The following LARGE1 variants were observed in gnomAD, a reference collection of about 807,000 sequenced individuals.
The protein encoded by LARGE1 is xylosyl- and glucuronyltransferase LARGE1.
Under a neutral mutation model 87.6 loss-of-function variants are expected in LARGE1, and 43 were observed. The observed-to-expected ratio is 0.49, with a 90% CI of 0.38 to 0.63. LARGE1 has a LOEUF of 0.63. Ranked by LOEUF, LARGE1 falls within the 30% of genes least tolerant of loss-of-function variation. The probability of loss-of-function intolerance (pLI) is 0.00; values close to 1 mark genes in which losing one functional copy is unlikely to be tolerated. For synonymous variants in LARGE1, 434 were observed against 394.6 expected, an observed-to-expected ratio of 1.10 and a Z score of -1.18; for missense variants, 802 against 1,000.2, an observed-to-expected ratio of 0.80 and a Z score of 2.67.
In LARGE1 at chr22:33,703,416, A is replaced by G. The variant is rs528064075; in HGVS notation, c.107-52748T>C. 4.1e-4 allele frequency among the ~76,000 whole-genome samples: 62 copies of G among 152,266 alleles called. 1 individual carries two copies. In the South Asian group the frequency reaches 0.012, roughly 30 times the overall value. ...AGAGACACATCATGATAGACTAAAT[A>G]ATGCCCCCCAAAGATTACCTCCTGA... On this transcript the variant is annotated intron_variant, in intron 2 of 14. Transcript: ENST00000397394.
intron 11 of LARGE1, among the ~76,000 whole-genome samples, chr22:33,222,033 T>G (rs927099649): frequency 6.6e-6 from 1 of 152,198 alleles, no homozygotes; most frequent in Middle Eastern, 3.2e-3. Context: ...CCTCCCTCTC[T>G]TTTCCTTCCT....
At chr22:33,728,429 CT>C (rs879344419) in intron 2 of LARGE1, among the ~76,000 whole-genome samples, 8 of 152,022 alleles carry the variant, frequency 5.3e-5, no homozygotes, top group Admixed American at 5.2e-4. Context: ...ATCCCAGCTA[CT>C]CAGGAGGCTG....
intron 2 of LARGE1, among the ~76,000 whole-genome samples, chr22:33,760,962 AC>A (rs1385735205): frequency 1.3e-5 from 2 of 151,956 alleles, no homozygotes; most frequent in Non-Finnish European, 2.9e-5. Context: ...AGACAAACAA[AC>A]AAAAAACACC....
chr22:33,541,111 T>C (rs1252625922), intron 6 of LARGE1, among the ~76,000 whole-genome samples: 1 of 118,676 alleles, frequency 8.4e-6, no homozygotes, highest in African/African-American at 3.3e-5. Context: ...GCCCAAGAGA[T>C]TGAGGCTGTA....
chr22:33,821,673 A>G (rs2086823289), intron 1 of LARGE1, among the ~76,000 whole-genome samples: 1 of 152,202 alleles, frequency 6.6e-6, no homozygotes, highest in Admixed American at 6.5e-5. Context: ...CTTAGCCCCA[A>G]TCAATGACTC....
intron 2 of LARGE1, among the ~76,000 whole-genome samples, chr22:33,746,811 G>T (rs1490245398): frequency 6.6e-6 from 1 of 152,194 alleles, no homozygotes; most frequent in Admixed American, 6.5e-5. Flanking sequence ...TACCATGCTG[G>T]TTATTATTAA....
chr22:33,423,725 T>C (rs1288179894), intron 7 of LARGE1, among the ~76,000 whole-genome samples: 1 of 150,650 alleles, frequency 6.6e-6, no homozygotes, highest in African/African-American at 2.4e-5. Context: ...ATAATATAGA[T>C]GTAATCCTTG....
At chr22:33,537,807 G>A (rs1196282180) in intron 6 of LARGE1, among the ~76,000 whole-genome samples, 1 of 152,030 alleles carries the variant, frequency 6.6e-6, no homozygotes, top group Non-Finnish European at 1.5e-5. Flanking sequence ...TCCTGACCTC[G>A]TGATCCACCC....
At chr22:33,871,513 T>C (rs148765780) in intron 1 of LARGE1, among the ~76,000 whole-genome samples, 1 of 152,298 alleles carries the variant, frequency 6.6e-6, no homozygotes, top group Non-Finnish European at 1.5e-5. Flanking sequence ...CAGATGCTAT[T>C]AGAGGACAGA....
At chr22:33,512,039 C>T (rs749046102) in intron 6 of LARGE1, among the ~76,000 whole-genome samples, 3 of 152,014 alleles carry the variant, frequency 2.0e-5, no homozygotes, top group Non-Finnish European at 4.4e-5. Context: ...TTAAAAAAGT[C>T]CTGTAAAAAA....
intron 4 of LARGE1, among the ~76,000 whole-genome samples, chr22:33,609,202 G>A (rs1177519008): frequency 6.6e-6 from 1 of 152,196 alleles, no homozygotes; most frequent in African/African-American, 2.4e-5. Flanking sequence ...CGATCTTGGA[G>A]AGTCAGAGGA....
chr22:33,223,901 A>G (rs1026637621), intron 11 of LARGE1, among the ~76,000 whole-genome samples: 1 of 152,050 alleles, frequency 6.6e-6, no homozygotes, highest in Non-Finnish European at 1.5e-5. Context: ...ACAATTCACA[A>G]ATGCTCACCC....
At chr22:33,686,769 C>T (rs1240625547) in intron 2 of LARGE1, among the ~76,000 whole-genome samples, 1 of 152,104 alleles carries the variant, frequency 6.6e-6, no homozygotes, top group Admixed American at 6.5e-5. Flanking sequence ...ACAGCAGATC[C>T]CTGCTCTGAG....
intron 1 of LARGE1, among the ~76,000 whole-genome samples, chr22:33,899,186 A>G (rs2065221396): frequency 6.6e-6 from 1 of 152,146 alleles, no homozygotes; most frequent in Non-Finnish European, 1.5e-5. Context: ...AACAAAATTG[A>G]TCCCAGAACT....
At chr22:33,407,764 G>A (rs2066152828) in intron 7 of LARGE1, among the ~76,000 whole-genome samples, 1 of 152,068 alleles carries the variant, frequency 6.6e-6, no homozygotes, top group South Asian at 2.1e-4. Flanking sequence ...TTCTGAAAGG[G>A]CCAATAAGTA....
intron 7 of LARGE1, among the ~76,000 whole-genome samples, chr22:33,431,270 G>T (rs985713953): frequency 1.3e-5 from 2 of 152,212 alleles, no homozygotes; most frequent in South Asian, 4.1e-4. Context: ...GTCTGCTGCA[G>T]CTAGCATAGG....
chr22:33,501,952 G>C (rs901145550), intron 6 of LARGE1, among the ~76,000 whole-genome samples: 2 of 152,162 alleles, frequency 1.3e-5, no homozygotes, highest in Non-Finnish European at 2.9e-5. Flanking sequence ...CAGCACTTTG[G>C]GAGGCTGAGG....
chr22:33,264,252 C>A (rs1374297985), intron 11 of LARGE1, among the ~76,000 whole-genome samples: 1 of 152,168 alleles, frequency 6.6e-6, no homozygotes, highest in Admixed American at 6.5e-5. Flanking sequence ...TAAATTTAAC[C>A]GTGAAGGTAA....
intron 2 of LARGE1, among the ~76,000 whole-genome samples, chr22:33,728,586 A>C (rs2083353866): frequency 7.2e-6 from 1 of 138,124 alleles, no homozygotes; most frequent in African/African-American, 2.6e-5. Context: ...AAAACCAACA[A>C]CAGAGACACA....
Sources: gnomAD v4.1 joint callset for allele counts (sites outside exome capture counted in the v4.1 genomes callset) on GRCh38, gnomAD v4.1.1 for gene constraint, MANE v1.5 for transcripts, NCBI Gene and HGNC (gene_info 2026-07-23, HGNC 2026-07-21) for gene names.